The following OR7E24 variants were observed in gnomAD, a reference collection of about 807,000 sequenced individuals.
OR7E24 encodes olfactory receptor family 7 subfamily E member 24, also known as olfactory receptor 7E24.
For synonymous variants in OR7E24, 130 were observed against 157.5 expected (o/e 0.83, Z 1.31); for missense variants, 385 against 410.3 (o/e 0.94, Z 0.53).
the OR7E24 span, among the ~76,000 whole-genome samples, chr19:9,224,264 C>T: frequency 6.6e-6 from 1 of 152,106 alleles, no homozygotes; most frequent in Admixed American, 6.6e-5. Flanking sequence ...AATGTTACGA[C>T]TTAGTAGGGC....
chr19:9,240,148 AG>A, the OR7E24 span, among the ~76,000 whole-genome samples: 1 of 152,164 alleles, frequency 6.6e-6, no homozygotes, highest in Non-Finnish European at 1.5e-5. Flanking sequence ...CTGGGTTTAC[AG>A]GCCTGAGCCA....
Position 9,251,611 on chromosome 19 carries a change from G to T in OR7E24, c.568G>T (p.Val190Leu), listed in dbSNP as rs765304529. The change falls in exon 1 of 1, where the codon GTG (valine) becomes TTG (leucine). Residue 190 changes from valine (V) to leucine (L), a missense_variant. Transcript: ENST00000456448. ...GTTACAGCTCACCTGCTTCAAGGAT[G>T]TGGACATTTCTAATTTCTTCTGTGA... ...IMLQLTCFKD[V>L]DISNFFCDPS... The T allele has an allele frequency of 1.9e-6, 3 of 1,613,286 alleles. No homozygotes were observed. The highest frequency in any genetic ancestry group is 1.3e-5 in the African/African-American group (1 of 74,778).
In OR7E24 at chr19:9,251,186, T is replaced by C. The variant is rs1424612031; in HGVS notation, c.143T>C (p.Leu48Pro). The change falls in exon 1 of 1, where the codon CTG becomes CCG. Residue 48 changes from leucine (L) to proline (P), a missense_variant. Physicochemically the swap from Leu to Pro is moderately conservative, Grantham distance 98. Coordinates refer to ENST00000456448, the MANE Select transcript of OR7E24 (RefSeq NM_001079935.2). ...DPELQPVLAG[L>P]FLSMYLVTVL... ...GAACTGCAGCCGGTCCTCGCTGGGC[T>C]GTTCCTGTCCATGTACCTGGTCACG... 1 of 1,614,032 alleles carries C rather than the reference T, an allele frequency of 6.2e-7. No homozygotes were observed. Among genetic ancestry groups the C allele is most frequent in the Non-Finnish European group, 8.5e-7 (1 of 1,180,036 alleles).
At chr19:9,240,207 A>G in the OR7E24 span, among the ~76,000 whole-genome samples, 4 of 151,976 alleles carry the variant, frequency 2.6e-5, no homozygotes, top group African/African-American at 7.2e-5. Context: ...CTCCCATTCC[A>G]TAGGATGTCT....
the OR7E24 span, chr19:9,206,663 A>G: frequency 3.3e-5 from 5 of 152,232 alleles, no homozygotes; most frequent in African/African-American, 1.2e-4. Context: ...TTGATAAGGA[A>G]AAACACACGG....
the OR7E24 span, among the ~76,000 whole-genome samples, chr19:9,242,187 T>C: frequency 1.3e-5 from 2 of 152,194 alleles, no homozygotes; most frequent in Admixed American, 1.3e-4. Flanking sequence ...CCTTTTAGGA[T>C]TGTGCTTGTT....
chr19:9,206,961 G>T, the OR7E24 span: 1 of 152,176 alleles, frequency 6.6e-6, no homozygotes, highest in East Asian at 1.9e-4. Context: ...GGTCTGAGAG[G>T]TTTTAAAAGC....
the OR7E24 span, among the ~76,000 whole-genome samples, chr19:9,239,438 C>T: frequency 1.3e-5 from 2 of 152,200 alleles, no homozygotes; most frequent in South Asian, 4.1e-4. Flanking sequence ...TCCCAAAGTG[C>T]TGGGATTACA....
the OR7E24 span, chr19:9,212,882 A>G: frequency 6.6e-6 from 1 of 152,294 alleles, no homozygotes; most frequent in Admixed American, 6.5e-5. Context: ...CCCTCCAAGT[A>G]GCTGGGAAGA....
rs2066152070 is a variant in OR7E24, at chr19:9,252,165, T to TGAATATTGC, written c.*103_*111dup. On this transcript the variant is annotated 3_prime_UTR_variant, in exon 1 of 1. Coordinates refer to ENST00000456448, the MANE Select transcript of OR7E24 (RefSeq NM_001079935.2). ...TTCATTCCTCTCTGGGTTTCGTATG[T>TGAATATTGC]GAATATTGCTTGCTTTGTTTTGTCT... 4 of 910,804 alleles carry TGAATATTGC rather than the reference T, an allele frequency of 4.4e-6. No individual in the cohort carries two copies. The South Asian group carries it at 6.8e-5, about 16-fold the overall frequency. The allele number at this position is 910,804 out of a possible 1,614,324, so 56.4% of individuals were successfully genotyped here.
the OR7E24 span, among the ~76,000 whole-genome samples, chr19:9,225,449 A>AGAGG: frequency 5.3e-5 from 7 of 131,362 alleles, no homozygotes; most frequent in East Asian, 2.7e-4. Flanking sequence ...GAAAGAAAAG[A>AGAGG]GAGGGAGGGA....
At chr19:9,235,610 C>T in the OR7E24 span, 6 of 1,571,580 alleles carry the variant, frequency 3.8e-6, no homozygotes, top group Non-Finnish European at 5.3e-6. Flanking sequence ...TTCTGGTTCT[C>T]CCTGGTTCAT....
At chr19:9,214,796 G>T in the OR7E24 span, 2 of 1,611,880 alleles carry the variant, frequency 1.2e-6, no homozygotes, top group South Asian at 2.2e-5. Context: ...AGAGTCCCAG[G>T]AGGAGAAATT....
chr19:9,235,601 T>G, the OR7E24 span: 27 of 1,567,380 alleles, frequency 1.7e-5, no homozygotes, highest in Middle Eastern at 1.7e-4. Context: ...TTCATCATTT[T>G]CTGGTTCTCC....
the OR7E24 span, among the ~76,000 whole-genome samples, chr19:9,215,612 C>T: frequency 6.6e-6 from 1 of 152,118 alleles, no homozygotes; most frequent in Non-Finnish European, 1.5e-5. Context: ...ACTCTCAGGG[C>T]TTTCTTCCTT....
chr19:9,215,341 C>CAA, the OR7E24 span, among the ~76,000 whole-genome samples: 16 of 83,132 alleles, frequency 1.9e-4, no homozygotes, highest in Non-Finnish European at 3.1e-4. Flanking sequence ...GACTCCGTCT[C>CAA]AAAAAAAAAA....
chr19:9,224,363 C>G, the OR7E24 span, among the ~76,000 whole-genome samples: 2 of 152,146 alleles, frequency 1.3e-5, no homozygotes, highest in African/African-American at 4.8e-5. Context: ...GACTTGGTAA[C>G]AAACCAGGAA....
the OR7E24 span, among the ~76,000 whole-genome samples, chr19:9,226,343 C>T: frequency 3.4e-4 from 52 of 152,320 alleles, no homozygotes; most frequent in African/African-American, 1.1e-3. Flanking sequence ...TCATTTATAA[C>T]CTGATGTGTC....
the OR7E24 span, among the ~76,000 whole-genome samples, chr19:9,225,385 A>AAGGAAG: frequency 1.6e-5 from 2 of 126,010 alleles, no homozygotes; most frequent in African/African-American, 6.4e-5. Flanking sequence ...GAAGGAAGGA[A>AAGGAAG]GGAAGGAGGG....
Sources: gnomAD v4.1 joint callset for allele counts (sites outside exome capture counted in the v4.1 genomes callset) on GRCh38, gnomAD v4.1.1 for gene constraint, MANE v1.5 for transcripts, NCBI Gene and HGNC (gene_info 2026-07-23, HGNC 2026-07-21) for gene names.